Variants in RALYL observed in about 807,000 individuals in gnomAD.
The protein encoded by RALYL is RALY RNA binding protein like, also known as RNA-binding Raly-like protein.
In RALYL, 29 loss-of-function variants were observed where a neutral mutation model predicts 35.1. The observed-to-expected ratio is 0.83, with a 90% CI of 0.61 to 1.13. The LOEUF (loss-of-function observed/expected upper bound fraction) is 1.13, where lower values mean the gene tolerates loss of function less well. Among genes scored for constraint, RALYL ranks in the 50% most tolerant of loss-of-function variants. RALYL has a pLI of 0.00. For missense variants in RALYL, 359 were observed against 360.4 expected (o/e 1.00, Z 0.03); for synonymous variants, 120 against 127.6 (o/e 0.94, Z 0.40).
intron 1 of RALYL, among the ~76,000 whole-genome samples, chr8:84,336,070 G>A (rs1335989897): frequency 6.6e-6 from 1 of 152,130 alleles, no homozygotes; most frequent in Non-Finnish European, 1.5e-5. Context: ...AAATCATCCT[G>A]CAAGCTTTTC....
intron 1 of RALYL, among the ~76,000 whole-genome samples, chr8:84,293,855 T>C (rs776995004): frequency 5.3e-5 from 8 of 152,128 alleles, no homozygotes; most frequent in Non-Finnish European, 2.9e-5. Context: ...CTTTCCTTAC[T>C]ACTTCTTCTT....
intron 2 of RALYL, among the ~76,000 whole-genome samples, chr8:84,562,008 A>G (rs909413813): frequency 3.3e-5 from 5 of 151,996 alleles, no homozygotes; most frequent in African/African-American, 9.7e-5. Context: ...ATTTCAGTAT[A>G]TAAGACTTTT....
intron 1 of RALYL, among the ~76,000 whole-genome samples, chr8:84,268,763 G>T (rs1833775161): frequency 6.6e-6 from 1 of 152,120 alleles, no homozygotes; most frequent in Non-Finnish European, 1.5e-5. Flanking sequence ...GCTGCCATGT[G>T]CTGTAGCCTT....
intron 4 of RALYL, among the ~76,000 whole-genome samples, chr8:84,816,162 A>G (rs896430789): frequency 1.1e-4 from 17 of 152,214 alleles, no homozygotes; most frequent in African/African-American, 3.6e-4. Flanking sequence ...CAACTTTTTA[A>G]TGAAAACACA....
intron 3 of RALYL, among the ~76,000 whole-genome samples, chr8:84,798,431 T>G (rs1362437370): frequency 6.6e-6 from 1 of 152,254 alleles, no homozygotes; most frequent in Non-Finnish European, 1.5e-5. Context: ...TATATATTTA[T>G]TTCTCACAGT....
chr8:84,288,300 G>C (rs1485854090), intron 1 of RALYL, among the ~76,000 whole-genome samples: 2 of 152,072 alleles, frequency 1.3e-5, no homozygotes, highest in Non-Finnish European at 2.9e-5. Context: ...TGATTCCAAT[G>C]GGCAGCCAAT....
intron 2 of RALYL, among the ~76,000 whole-genome samples, chr8:84,763,645 T>C (rs962250077): frequency 6.6e-6 from 1 of 152,192 alleles, no homozygotes; most frequent in Admixed American, 6.6e-5. Context: ...TATCTCTTGA[T>C]AAAATATACC....
At chr8:84,675,014 TCTACTGTTAAGTAG>T (rs1833931935) in intron 2 of RALYL, among the ~76,000 whole-genome samples, 1 of 152,052 alleles carries the variant, frequency 6.6e-6, no homozygotes, top group Admixed American at 6.6e-5. Flanking sequence ...TTTACTGCTA[TCTACTGTTAAGTAG>T]CTCTGAGTTC....
At chr8:84,311,741 A>ACC (rs1842858006) in intron 1 of RALYL, among the ~76,000 whole-genome samples, 1 of 152,210 alleles carries the variant, frequency 6.6e-6, no homozygotes. Context: ...TAATGAAGGG[A>ACC]AGCTAGCCAT....
chr8:84,184,770 G>T (rs1451315342), intron 1 of RALYL: 2 of 442,746 alleles, frequency 4.5e-6, no homozygotes, highest in Non-Finnish European at 8.0e-6. Flanking sequence ...TAAGTTCTCC[G>T]AGGGCCACTT....
chr8:84,565,953 A>T (rs2061752600), intron 2 of RALYL, among the ~76,000 whole-genome samples: 1 of 151,618 alleles, frequency 6.6e-6, no homozygotes, highest in African/African-American at 2.4e-5. Context: ...TCTTCCTCCA[A>T]CTAAAGATGA....
intron 2 of RALYL, among the ~76,000 whole-genome samples, chr8:84,698,383 G>T (rs1839545248): frequency 6.6e-6 from 1 of 151,934 alleles, no homozygotes. Context: ...TAACATTAGT[G>T]AACTCTAGGG....
chr8:84,313,775 A>G (rs755202891), intron 1 of RALYL, among the ~76,000 whole-genome samples: 1 of 152,188 alleles, frequency 6.6e-6, no homozygotes, highest in Non-Finnish European at 1.5e-5. Context: ...GGTCAAAACC[A>G]TTCAACAAGT....
At chr8:84,689,525 C>T (rs1432504304) in intron 2 of RALYL, among the ~76,000 whole-genome samples, 2 of 152,050 alleles carry the variant, frequency 1.3e-5, no homozygotes, top group Non-Finnish European at 2.9e-5. Flanking sequence ...GTGAATAGTG[C>T]CGCAATAAAC....
In RALYL at chr8:84,354,595, T is replaced by C. The variant is rs2131136774; in HGVS notation, c.-24+170171T>C. On this transcript the variant is annotated intron_variant, in intron 1 of 8. Transcript: ENST00000521268. The stretch of plus-strand genomic sequence containing the variant: ...CCAAGTTGGCCCCCTTCTCCTACAT[T>C]CTGAATTATTCTTTTTCTATGGCAT... 1.3e-5 allele frequency among the ~76,000 whole-genome samples: 2 copies of C among 150,350 alleles called. 1 individual carries two copies. The highest frequency in any genetic ancestry group is 6.8e-3 in the Middle Eastern group (2 of 294).
At chr8:84,910,456 A>T (rs1250218552) in intron 8 of RALYL, among the ~76,000 whole-genome samples, 3 of 152,094 alleles carry the variant, frequency 2.0e-5, no homozygotes, top group Non-Finnish European at 2.9e-5. Flanking sequence ...TTCATAATTA[A>T]TTACGCTGAT....
intron 8 of RALYL, among the ~76,000 whole-genome samples, chr8:84,903,705 T>G (rs1226315480): frequency 6.6e-6 from 1 of 152,174 alleles, no homozygotes; most frequent in Admixed American, 6.5e-5. Context: ...GCCAAACCCG[T>G]ATTATAGTTC....
At chr8:84,833,244 A>G (rs1020186049) in intron 4 of RALYL, among the ~76,000 whole-genome samples, 1 of 152,216 alleles carries the variant, frequency 6.6e-6, no homozygotes, top group Non-Finnish European at 1.5e-5. Context: ...GCACTGACAC[A>G]TACTAAACTA....
At chr8:84,574,237 C>G (rs1011269292) in intron 2 of RALYL, among the ~76,000 whole-genome samples, 3 of 152,128 alleles carry the variant, frequency 2.0e-5, no homozygotes, top group Admixed American at 2.0e-4. Flanking sequence ...TTCCTTAATT[C>G]CTTGGTTGTT....
Sources: allele counts gnomAD v4.1 joint callset (sites outside exome capture counted in the v4.1 genomes callset), GRCh38; gene constraint gnomAD v4.1.1; transcripts MANE v1.5; gene names NCBI Gene and HGNC (gene_info 2026-07-23, HGNC 2026-07-21).